HADHB: variants seen among roughly 807,000 people sequenced by gnomAD.
The protein encoded by HADHB is trifunctional enzyme subunit beta, mitochondrial.
Under a neutral mutation model 61.9 loss-of-function variants are expected in HADHB, and 50 were observed. The ratio of observed to expected loss-of-function variants is 0.81; its 90% CI spans 0.64 to 1.02. The LOEUF is 1.02. HADHB is among the 50% of genes least tolerant of loss of function. The pLI, the probability that HADHB is intolerant of heterozygous loss-of-function variation, is 0.00. For missense variants in HADHB, 504 were observed against 586.5 expected (o/e 0.86, Z 1.45); for synonymous variants, 191 against 201.6 (o/e 0.95, Z 0.45).
intron 2 of HADHB, 48 bp downstream of exon 2, chr2:26,254,366 A>G (rs757873222): frequency 9.6e-6 from 14 of 1,465,570 alleles, no homozygotes; most frequent in Non-Finnish European, 1.2e-5. Flanking sequence ...ATTTGGATTT[A>G]TAAACATCTC....
At chr2:26,271,655 G>T (rs1335167289) in intron 5 of HADHB, among the ~76,000 whole-genome samples, 1 of 151,984 alleles carries the variant, frequency 6.6e-6, no homozygotes, top group East Asian at 1.9e-4. Flanking sequence ...TACTAGCTAG[G>T]CATGGTGTCT....
intron 15 of HADHB, among the ~76,000 whole-genome samples, chr2:26,286,805 CTGTTTT>C (rs1254803334): frequency 7.0e-6 from 1 of 143,248 alleles, no homozygotes; most frequent in Non-Finnish European, 1.5e-5. Flanking sequence ...TGTGCCTGGC[CTGTTTT>C]TGTTTTTTTT....
chr2:26,285,480 C>T lies in HADHB; in HGVS notation c.1298C>T (p.Thr433Ile), dbSNP rs767383739. The T allele has an allele frequency of 1.2e-6, 2 of 1,613,314 alleles. No homozygotes were observed. The highest frequency in any genetic ancestry group is 1.7e-6 in the Non-Finnish European group (2 of 1,179,312). ...TCCCTGGGACACCCATTTGGAGCCA[C>T]TGGCTGCAGGTTGGTCATGGCTGCT... ...SLSLGHPFGA[T>I]GCRLVMAAAN... The change falls in exon 15 of 16, where the codon ACT becomes ATT. Residue 433 changes from threonine to isoleucine, a missense_variant. By Grantham distance (89) the Thr-to-Ile change is moderately conservative. Transcript: ENST00000317799.
At chr2:26,286,432 G>C (rs2147834140) in intron 15 of HADHB, among the ~76,000 whole-genome samples, 1 of 152,146 alleles carries the variant, frequency 6.6e-6, no homozygotes, top group East Asian at 1.9e-4. Context: ...TTGCATTAGA[G>C]ACCCAACTTC....
intron 15 of HADHB, 89 bp downstream of exon 15, chr2:26,285,660 G>C: frequency 8.9e-6 from 8 of 896,700 alleles, no homozygotes; most frequent in East Asian, 9.3e-5. Context: ...CCTTCTTAAA[G>C]CAATATTTTT....
chr2:26,280,472 G>A (rs1001886540), intron 10 of HADHB, among the ~76,000 whole-genome samples: 91 of 152,190 alleles, frequency 6.0e-4, no homozygotes, highest in African/African-American at 2.1e-3. Context: ...CCAGATGGGG[G>A]GACAGTCAGA....
chr2:26,280,142 G>A, intron 10 of HADHB, 27 bp downstream of exon 10: 2 of 1,589,816 alleles, frequency 1.3e-6, no homozygotes. Context: ...TTTGTATTTA[G>A]TAGTGACTTT....
chr2:26,290,245 GAAAGA>G lies in HADHB; in HGVS notation c.*293_*297del. 1 of 462,226 alleles carries G rather than the reference GAAAGA, an allele frequency of 2.2e-6. No individual in the cohort carries two copies. Among genetic ancestry groups the G allele is most frequent in the Non-Finnish European group, 3.9e-6 (1 of 254,290 alleles). The allele number at this position is 462,226 out of a possible 1,614,324, so 28.6% of individuals were successfully genotyped here. On this transcript the variant is annotated 3_prime_UTR_variant, in exon 16 of 16. Transcript: ENST00000317799. ...AGACTAAATGAGGGTTTGCAGTTGGGAAAGAGGTCAACTGAGATTTGGAAATCATC... is the reference window on the plus strand; with the variant it reads ...AGACTAAATGAGGGTTTGCAGTTGGGGGTCAACTGAGATTTGGAAATCATC...
At chr2:26,271,459 A>G (rs1316560048) in intron 5 of HADHB, among the ~76,000 whole-genome samples, 2 of 152,086 alleles carry the variant, frequency 1.3e-5, no homozygotes, top group Non-Finnish European at 2.9e-5. Context: ...GTGAGCCGAG[A>G]TCACGCCATT....
chr2:26,258,579 GTGGCGAACAGCGGGTCTGTGACA>G (rs1671732279), intron 3 of HADHB, among the ~76,000 whole-genome samples: 5 of 152,184 alleles, frequency 3.3e-5, no homozygotes, highest in Non-Finnish European at 5.9e-5. Context: ...GTCTGCGACA[GTGGCGAACAGCGGGTCTGTGACA>G]GTGGCGAACA....
chr2:26,286,991 G>A (rs1673062678), intron 15 of HADHB, among the ~76,000 whole-genome samples: 1 of 151,306 alleles, frequency 6.6e-6, no homozygotes, highest in Non-Finnish European at 1.5e-5. Context: ...GTCACTTGAG[G>A]TCAGGAGTTC....
At chr2:26,279,371 T>G in intron 9 of HADHB, 56 bp downstream of exon 9, 4 of 1,203,246 alleles carry the variant, frequency 3.3e-6, no homozygotes, top group Non-Finnish European at 2.5e-6. Context: ...CTCCTAAAAC[T>G]CAAAAACATC....
chr2:26,245,331 G>A (rs1440365669), intron 1 of HADHB: 1 of 155,126 alleles, frequency 6.4e-6, no homozygotes, highest in African/African-American at 2.4e-5. Context: ...CCTGGTCTGC[G>A]TAGAAGTGTG....
At chr2:26,277,302 A>G (rs936708124) in intron 7 of HADHB, 142 bp downstream of exon 7, 14 of 575,104 alleles carry the variant, frequency 2.4e-5, no homozygotes, top group African/African-American at 6.0e-5. Context: ...CAGTGGTACC[A>G]TCATAGCTCA....
intron 1 of HADHB, among the ~76,000 whole-genome samples, chr2:26,253,249 T>A (rs1258185271): frequency 6.6e-6 from 1 of 152,176 alleles, no homozygotes; most frequent in South Asian, 2.1e-4. Flanking sequence ...AGGGTTATTA[T>A]ATGTTTTACT....
At chr2:26,270,062 A>C in intron 5 of HADHB, 65 bp downstream of exon 5, 1 of 1,015,202 alleles carries the variant, frequency 9.9e-7, no homozygotes, top group Admixed American at 1.7e-5. Context: ...GTTTTTACAC[A>C]TAAAATAGCA....
intron 5 of HADHB, among the ~76,000 whole-genome samples, chr2:26,272,887 C>G (rs1188413277): frequency 6.6e-6 from 1 of 151,830 alleles, no homozygotes; most frequent in Non-Finnish European, 1.5e-5. Context: ...AGTCCGAGAC[C>G]AGCCTGGCTA....
rs764919038 is a variant in HADHB at position 26,273,653 on chromosome 2, G to T, written c.257G>T (p.Gly86Val). The T allele has an allele frequency of 6.4e-7, 1 of 1,558,982 alleles. No homozygotes were observed. Among genetic ancestry groups the T allele is most frequent in the Non-Finnish European group, 8.8e-7 (1 of 1,129,994 alleles). Residue 86 changes from glycine to valine, a missense_variant and splice_region_variant, in exon 6 of 16, where the codon GGT (glycine) becomes GTT (valine). Gly to Val is a moderately radical substitution (Grantham distance 109). Coordinates refer to ENST00000317799, the MANE Select transcript of HADHB (RefSeq NM_000183.3). Reference sequence around the variant, plus strand: ...TTGCTTTGGATTTCTACTTCCAGGGGTTTGTTGCATCGGACCAGTGTCCCT... The same window carrying T: ...TTGCTTTGGATTTCTACTTCCAGGGTTTTGTTGCATCGGACCAGTGTCCCT... ...PHDLARAALT[G>V]LLHRTSVPKE... is the part of the protein sequence containing the mutation.
At chr2:26,277,422 G>A (rs1232696740) in intron 7 of HADHB, among the ~76,000 whole-genome samples, 1 of 151,784 alleles carries the variant, frequency 6.6e-6, no homozygotes, top group Non-Finnish European at 1.5e-5. Flanking sequence ...TTTTTGTGGA[G>A]ACGGGATCTC....
Sources: gnomAD v4.1 joint callset for allele counts (sites outside exome capture counted in the v4.1 genomes callset) on GRCh38, gnomAD v4.1.1 for gene constraint, MANE v1.5 for transcripts, NCBI Gene and HGNC (gene_info 2026-07-23, HGNC 2026-07-21) for gene names.